Variants in PDE4B observed in about 807,000 individuals in gnomAD.
The protein encoded by PDE4B is 3',5'-cyclic-AMP phosphodiesterase 4B.
PDE4B carries 20 observed loss-of-function variants against 82.2 expected under a neutral mutation model. The ratio of observed to expected loss-of-function variants is 0.24; its 90% CI spans 0.17 to 0.35. The LOEUF (loss-of-function observed/expected upper bound fraction) is 0.35. PDE4B is among the 10% of genes least tolerant of loss of function. The pLI, the probability that PDE4B is intolerant of heterozygous loss-of-function variation, is 1.00. For missense variants in PDE4B, 655 were observed against 907.2 expected (o/e 0.72, Z 3.57); for synonymous variants, 320 against 318.9 (o/e 1.00, Z -0.04).
rs545671290 is a variant in PDE4B at position 66,236,564 on chromosome 1, T to A, written c.282-10896T>A. Among the ~76,000 whole-genome samples the A allele has an allele frequency of 9.7e-4, 147 of 152,324 alleles. 3 individuals carry two copies. The South Asian group carries it at 0.029, about 30-fold the overall frequency. On this transcript the variant is annotated intron_variant, in intron 3 of 16. Transcript: ENST00000341517. ...ATGATGAATTCCTTCAACTTTCATATGTTTGATGAAAATCTTTTTACTAGT... is the reference window on the plus strand; with the variant it reads ...ATGATGAATTCCTTCAACTTTCATAAGTTTGATGAAAATCTTTTTACTAGT...
chr1:66,168,385 G>T (rs562589544), intron 3 of PDE4B, among the ~76,000 whole-genome samples: 2 of 152,304 alleles, frequency 1.3e-5, no homozygotes, highest in South Asian at 2.1e-4. Context: ...TGTTGTGGTA[G>T]GGTGGTCAGA....
At chr1:66,060,557 T>A (rs1012898571) in intron 3 of PDE4B, among the ~76,000 whole-genome samples, 5 of 152,236 alleles carry the variant, frequency 3.3e-5, no homozygotes, top group African/African-American at 1.2e-4. Flanking sequence ...ACATTTAAAA[T>A]ATATCATAAC....
At chr1:65,915,720 A>C (rs139162978) in intron 2 of PDE4B, among the ~76,000 whole-genome samples, 65 of 152,182 alleles carry the variant, frequency 4.3e-4, no homozygotes, top group Non-Finnish European at 7.1e-4. Flanking sequence ...GTAAACTTCT[A>C]CTTAGGTGCA....
At chr1:66,258,772 T>C (rs1052241798) in intron 6 of PDE4B, among the ~76,000 whole-genome samples, 5 of 152,234 alleles carry the variant, frequency 3.3e-5, no homozygotes, top group Non-Finnish European at 7.3e-5. Context: ...AAGTTATTTT[T>C]CAGTCCTTTA....
chr1:66,156,885 T>C lies in PDE4B; in HGVS notation c.282-90575T>C, dbSNP rs182529902. ...GGGTTTTGCTCCTCCACACTTTTAA[T>C]GGTCCCGCTCCTCAGTTATTGTCTC... On this transcript the variant is annotated intron_variant, in intron 3 of 16. Coordinates refer to ENST00000341517, the MANE Select transcript of PDE4B (RefSeq NM_002600.4). 7.9e-5 allele frequency among the ~76,000 whole-genome samples: 12 copies of C among 152,342 alleles called. No individual in the cohort carries two copies. In the East Asian group the frequency reaches 2.1e-3, roughly 27 times the overall value.
chr1:66,374,417 A>G lies in PDE4B; in HGVS notation c.*1739A>G, dbSNP rs2050893622. The G allele has an allele frequency of 7.6e-6, 1 of 132,164 alleles. No individual in the cohort carries two copies. Among genetic ancestry groups the G allele is most frequent in the Non-Finnish European group, 1.7e-5 (1 of 57,990 alleles). 8.2% of individuals were successfully genotyped at this position (132,164 alleles called of 1,614,324 possible). On this transcript the variant is annotated 3_prime_UTR_variant, in exon 17 of 17. Coordinates refer to ENST00000341517, the MANE Select transcript of PDE4B (RefSeq NM_002600.4). The stretch of plus-strand genomic sequence containing the variant: ...ACAGAAAATGGCACAAATGTGCATG[A>G]CCAATGTATGTCTATGAACACTGCA...
At chr1:65,799,700 A>G (rs1279008516) in intron 1 of PDE4B, among the ~76,000 whole-genome samples, 3 of 152,084 alleles carry the variant, frequency 2.0e-5, no homozygotes, top group African/African-American at 4.8e-5. Flanking sequence ...TGGGCATGCT[A>G]CATTGGTATA....
intron 3 of PDE4B, among the ~76,000 whole-genome samples, chr1:66,224,401 G>T (rs1315423366): frequency 6.6e-6 from 1 of 152,146 alleles, no homozygotes; most frequent in Non-Finnish European, 1.5e-5. Context: ...ATTGGCTCAA[G>T]TGCAGCAAAA....
At chr1:66,176,471 T>C (rs1646934034) in intron 3 of PDE4B, among the ~76,000 whole-genome samples, 1 of 152,226 alleles carries the variant, frequency 6.6e-6, no homozygotes, top group Non-Finnish European at 1.5e-5. Flanking sequence ...GTAATTTAAT[T>C]TTCTTGTGAT....
intron 1 of PDE4B, among the ~76,000 whole-genome samples, chr1:65,858,893 A>G (rs1174228809): frequency 6.6e-6 from 1 of 152,200 alleles, no homozygotes; most frequent in Non-Finnish European, 1.5e-5. Flanking sequence ...GCTCTGAACC[A>G]TTCTGTAATA....
At chr1:66,109,058 G>A (rs1645429686) in intron 3 of PDE4B, among the ~76,000 whole-genome samples, 1 of 151,918 alleles carries the variant, frequency 6.6e-6, no homozygotes, top group South Asian at 2.1e-4. Context: ...ACTGAAACAA[G>A]TTATTTGAAT....
At chr1:66,078,828 G>A (rs2100951183) in intron 3 of PDE4B, among the ~76,000 whole-genome samples, 1 of 152,166 alleles carries the variant, frequency 6.6e-6, no homozygotes, top group East Asian at 1.9e-4. Context: ...GGTTCTAGCA[G>A]GTGGGAAGAA....
intron 8 of PDE4B, among the ~76,000 whole-genome samples, chr1:66,341,986 T>G (rs1570731389): frequency 6.6e-6 from 1 of 152,218 alleles, no homozygotes; most frequent in African/African-American, 2.4e-5. Flanking sequence ...TTAAATCAAA[T>G]AAGTCTAATT....
chr1:66,037,125 CA>C (rs71058446), intron 3 of PDE4B, among the ~76,000 whole-genome samples: 1,496 of 86,644 alleles, frequency 0.017, 13 homozygotes, highest in African/African-American at 0.056. Flanking sequence ...GACTCTGCCT[CA>C]AAAAAAAAAA....
At chr1:65,875,254 C>T (rs1035768632) in intron 1 of PDE4B, among the ~76,000 whole-genome samples, 3 of 150,510 alleles carry the variant, frequency 2.0e-5, no homozygotes, top group African/African-American at 4.8e-5. Flanking sequence ...CTATGAGATA[C>T]CATCTCACAC....
rs1084482 is a variant in PDE4B, at chr1:66,201,331, T to C, written c.282-46129T>C. Among the ~76,000 whole-genome samples, 91 of 150,772 alleles carry C rather than the reference T, an allele frequency of 6.0e-4. 1 individual carries two copies. The highest frequency in any genetic ancestry group is 3.0e-4 in the Non-Finnish European group (20 of 67,452). ...TCTTTTTTGGTTGTGTCTCTGCCAG[T>C]CTTTGGTATCAGGATGATGCTGGCC... On this transcript the variant is annotated intron_variant, in intron 3 of 16. Coordinates refer to ENST00000341517, the MANE Select transcript of PDE4B (RefSeq NM_002600.4).
intron 3 of PDE4B, among the ~76,000 whole-genome samples, chr1:65,986,354 A>ACTTATGGAAGTTT (rs1650953470): frequency 6.6e-6 from 1 of 151,964 alleles, no homozygotes; most frequent in Admixed American, 6.6e-5. Flanking sequence ...GAAACAGCTG[A>ACTTATGGAAGTTT]CTCTTCTTAT....
chr1:66,323,379 T>C (rs1659541152), intron 7 of PDE4B, among the ~76,000 whole-genome samples: 1 of 152,180 alleles, frequency 6.6e-6, no homozygotes, highest in Non-Finnish European at 1.5e-5. Flanking sequence ...ATCCCTATTA[T>C]AAATGTTTAT....
chr1:66,120,962 C>T (rs1156611744), intron 3 of PDE4B, among the ~76,000 whole-genome samples: 2 of 152,074 alleles, frequency 1.3e-5, no homozygotes, highest in Non-Finnish European at 2.9e-5. Context: ...ATGTATATGC[C>T]CTTTAATGAT....
Sources: allele counts gnomAD v4.1 joint callset (sites outside exome capture counted in the v4.1 genomes callset), GRCh38; gene constraint gnomAD v4.1.1; transcripts MANE v1.5; gene names NCBI Gene and HGNC (gene_info 2026-07-23, HGNC 2026-07-21).